Variants in ADCY4 observed in about 807,000 individuals in gnomAD.
ADCY4 encodes the protein adenylate cyclase type 4.
A neutral mutation model predicts 125.5 loss-of-function variants in ADCY4; 111 were observed. The observed-to-expected ratio is 0.88, with a 90% confidence interval of 0.76 to 1.04. The LOEUF is 1.04. ADCY4 is among the 50% of genes least tolerant of loss of function. The pLI, the probability that ADCY4 is intolerant of heterozygous loss-of-function variation, is 0.00. For missense variants in ADCY4, 1,256 were observed against 1,382.9 expected, an observed-to-expected ratio of 0.91 and a Z score of 1.46; for synonymous variants, 576 against 586.9, an observed-to-expected ratio of 0.98 and a Z score of 0.27.
rs184767679 is a variant in ADCY4 at position 24,334,398 on chromosome 14, C to T, written c.159+96G>A. On this transcript the variant is annotated intron_variant, in intron 1 of 24. Coordinates refer to ENST00000418030, the MANE Select transcript of ADCY4 (RefSeq NM_001198568.2). ...CAATGGTCCTTTCTTTCTCTGCTCC[C>T]AGCAACGAAAACACATCGAAAAGAA... is the stretch of plus-strand genomic sequence containing the variant. 2.6e-4 allele frequency: 376 copies of T among 1,450,520 alleles called. 3 individuals are homozygous for T. The East Asian group carries it at 9.4e-3, about 36-fold the overall frequency. 89.9% of individuals were successfully genotyped at this position (1,450,520 alleles called of 1,614,324 possible).
rs1012526564 is a variant in ADCY4 at position 24,318,869 on chromosome 14, G to A, written c.2957-91C>T. On this transcript the variant is annotated intron_variant, in intron 23 of 24. Transcript: ENST00000418030. ...TGGAAGGAAGGGAGAAGAGCCTGGGGGGCCCTAGAGGAGAGGAGGGGTCTC... is the reference window on the plus strand; with the variant it reads ...TGGAAGGAAGGGAGAAGAGCCTGGGAGGCCCTAGAGGAGAGGAGGGGTCTC... 2.6e-6 allele frequency: 4 copies of A among 1,563,712 alleles called. No individual in the cohort carries two copies. In the South Asian group the frequency reaches 3.5e-5, roughly 14 times the overall value.
chr14:24,319,451 G>C lies in ADCY4; in HGVS notation c.2734-15C>G, dbSNP rs755235652. 2 of 1,611,864 alleles carry C rather than the reference G, an allele frequency of 1.2e-6. No homozygotes were observed. Among genetic ancestry groups the C allele is most frequent in the East Asian group, 2.2e-5 (1 of 44,882 alleles). ...TTGGAGAGCAGCTGTATATAGAGAAGAGTCCTGTCCCCAGTCTCTCTTACT... is the reference window on the plus strand; with the variant it reads ...TTGGAGAGCAGCTGTATATAGAGAACAGTCCTGTCCCCAGTCTCTCTTACT... On this transcript the variant is annotated splice_polypyrimidine_tract_variant and intron_variant, in intron 21 of 24. Transcript: ENST00000418030. The surrounding 1 kb of genome is among the most constrained non-coding windows in gnomAD (Gnocchi z 4.5).
chr14:24,320,001 A>C, intron 20 of ADCY4, 113 bp from the exon 21 acceptor site: 1 of 1,321,328 alleles, frequency 7.6e-7, no homozygotes, highest in Non-Finnish European at 1.0e-6. Context: ...CTGTTTAAGA[A>C]GAATTGGGAA....
chr14:24,329,648 C>G (rs182203608), intron 8 of ADCY4, 115 bp from the exon 9 acceptor site: 1 of 1,439,852 alleles, frequency 6.9e-7, no homozygotes, highest in Non-Finnish European at 9.1e-7. Flanking sequence ...TTTTAAAGAT[C>G]GTTCCTGGAT....
rs762938663 is a variant in ADCY4, at chr14:24,331,064, A to G, written c.884T>C (p.Val295Ala). ...LASECSPKEL[V>A]LMLNELFGKF... ...GCCAAAGAGCTCATTGAGCATGAGC[A>G]CCAGCTCCTTAGGGGAACACTCGCT... is the stretch of plus-strand genomic sequence containing the variant. Residue 295 changes from valine to alanine, a missense_variant, in exon 6 of 25, where the codon GTG becomes GCG. Physicochemically the swap from Val to Ala is moderately conservative, Grantham distance 64 (BLOSUM62 0). Coordinates refer to ENST00000418030, the MANE Select transcript of ADCY4 (RefSeq NM_001198568.2). The G allele has an allele frequency of 6.2e-7, 1 of 1,613,308 alleles. No homozygotes were observed. Among genetic ancestry groups the G allele is most frequent in the Non-Finnish European group, 8.5e-7 (1 of 1,179,352 alleles).
chr14:24,330,433 GACTC>G, intron 6 of ADCY4, 138 bp from the exon 7 acceptor site: 1 of 1,196,014 alleles, frequency 8.4e-7, no homozygotes, highest in South Asian at 1.4e-5. Context: ...CAGATCTAGG[GACTC>G]CTTTCACTTG....
At chr14:24,323,576 G>T in intron 16 of ADCY4, 122 bp from the exon 17 acceptor site, 1 of 1,470,758 alleles carries the variant, frequency 6.8e-7, no homozygotes, top group Non-Finnish European at 9.0e-7. Flanking sequence ...GGTGGATCCT[G>T]CTATTTCTGG....
chr14:24,325,329 TG>T (rs752893723), intron 14 of ADCY4, 47 bp downstream of exon 14: 38 of 1,529,242 alleles, frequency 2.5e-5, no homozygotes, highest in Non-Finnish European at 3.3e-5. Flanking sequence ...GAGGGCAAGG[TG>T]ATCCGCTTAT....
rs767166258 is a variant in ADCY4 at position 24,332,824 on chromosome 14, C to T, written c.324G>A (p.Leu108=). Residue 108 remains leucine, a synonymous_variant, in exon 2 of 25, where the codon CTG becomes CTA. Transcript: ENST00000418030. ...AGGCGCTCACCACGCCCCCGGTGAA[C>T]AGGAAGGCGTGGCCTAGCGCTAGCA... ...VALLALGHAF[L]FTGGVVSAWD... 4.5e-5 allele frequency: 71 copies of T among 1,577,804 alleles called. No homozygotes were observed. The East Asian group carries it at 1.6e-3, about 35-fold the overall frequency.
chr14:24,332,522 C>T lies in ADCY4; in HGVS notation c.519G>A (p.Gln173=), dbSNP rs757062840. Residue 173 remains glutamine, a splice_region_variant and synonymous_variant, in exon 3 of 25, where the codon CAG becomes CAA. Coordinates refer to ENST00000418030, the MANE Select transcript of ADCY4 (RefSeq NM_001198568.2). ...QPDSRPALLP[Q]LAANAVLFLC... ...CAGCCTGTGCTACTTGCGTGCTCACCTGCGGCAGCAGTGCAGGCCGTGAGT... is the reference window on the plus strand; with the variant it reads ...CAGCCTGTGCTACTTGCGTGCTCACTTGCGGCAGCAGTGCAGGCCGTGAGT... The T allele has an allele frequency of 6.4e-7, 1 of 1,563,196 alleles. No homozygotes were observed. The highest frequency in any genetic ancestry group is 8.7e-7 in the Non-Finnish European group (1 of 1,153,870).
intron 7 of ADCY4, 52 bp from the exon 8 acceptor site, chr14:24,330,070 T>C: frequency 6.3e-7 from 1 of 1,599,746 alleles, no homozygotes. Context: ...GCCCTGCCTG[T>C]GAGACACCCC....
At chr14:24,326,000 C>T (rs2041936199) in intron 12 of ADCY4, 79 bp downstream of exon 12, 2 of 1,571,888 alleles carry the variant, frequency 1.3e-6, no homozygotes, top group Non-Finnish European at 1.7e-6. Flanking sequence ...TTCCCTCCAG[C>T]CCCTCAGGGA....
intron 8 of ADCY4, 43 bp from the exon 9 acceptor site, chr14:24,329,576 A>C (rs778074199): frequency 6.7e-7 from 1 of 1,502,322 alleles, no homozygotes; most frequent in Non-Finnish European, 8.9e-7. Context: ...GAGGGCCTTC[A>C]AATCTCCTAT....
intron 19 of ADCY4, 105 bp downstream of exon 19, chr14:24,322,519 A>T (rs780609480): frequency 1.3e-4 from 155 of 1,232,126 alleles, no homozygotes; most frequent in Non-Finnish European, 1.6e-4. Context: ...AGGCTCGCTT[A>T]GAAGCTTCCA....
intron 16 of ADCY4, 158 bp from the exon 17 acceptor site, chr14:24,323,612 G>A (rs1358147486): frequency 1.4e-6 from 2 of 1,442,792 alleles, no homozygotes; most frequent in Non-Finnish European, 1.8e-6. Flanking sequence ...CAGCACTGGG[G>A]TCCTCACTCG....
In ADCY4 at chr14:24,326,125, C is replaced by T. The variant is rs781381005; in HGVS notation, c.1609G>A (p.Gly537Arg). 79 of 1,591,084 alleles carry T rather than the reference C, an allele frequency of 5.0e-5. No homozygotes were observed. In the Admixed American group the frequency reaches 6.2e-4, roughly 12 times the overall value. ...ATGACCTGGAAGAACTTGGCATCCC[C>T]GGTGTCCAGTTCATCATCTAGTCCC... Reference protein sequence around the residue: ...PRGLDDELDTGDAKFFQVIEQ... With the variant: ...PRGLDDELDTRDAKFFQVIEQ... The change falls in exon 12 of 25, where the codon GGG becomes AGG. Residue 537 changes from glycine (G) to arginine (R), a missense_variant. By Grantham distance (125) the Gly-to-Arg change is moderately radical. Transcript: ENST00000418030.
At chr14:24,328,857 G>C (rs1195905643) in intron 10 of ADCY4, 1 of 640,432 alleles carries the variant, frequency 1.6e-6, no homozygotes, top group East Asian at 2.8e-5. Flanking sequence ...TCTGAGGTGA[G>C]CTGGAGGGCT....
rs1390129311 is a variant in ADCY4 at position 24,325,814 on chromosome 14, C to T, written c.1725+4G>A. 1.3e-6 allele frequency: 2 copies of T among 1,593,046 alleles called. No homozygotes were observed. The highest frequency in any genetic ancestry group is 2.3e-5 in the South Asian group (2 of 88,098). ...TGTTTGGTGCCACCCACACCACAGCCCACCTCTTTCTCCATCTCCTTCTCT... is the reference window on the plus strand; with the variant it reads ...TGTTTGGTGCCACCCACACCACAGCTCACCTCTTTCTCCATCTCCTTCTCT... On this transcript the variant is annotated splice_donor_region_variant and intron_variant, in intron 13 of 24. Transcript: ENST00000418030.
At position 24,327,608 on chromosome 14, in the gene ADCY4, C is replaced by T. The variant is rs1014493438; in HGVS notation, c.1525-1266G>A. Among the ~76,000 whole-genome samples the T allele has an allele frequency of 1.2e-4, 19 of 152,228 alleles. 1 individual carries two copies. Among genetic ancestry groups the T allele is most frequent in the Admixed American group, 1.2e-3 (18 of 15,280 alleles). On this transcript the variant is annotated intron_variant, in intron 10 of 24. Coordinates refer to ENST00000418030, the MANE Select transcript of ADCY4 (RefSeq NM_001198568.2). ...CACTGCTGCCAGTGTCCTTCCCCCA[C>T]TCCCCAGTGTTGGGGGGTTGAAGAA... is the stretch of plus-strand genomic sequence containing the variant.
Sources: gnomAD v4.1 joint callset for allele counts (sites outside exome capture counted in the v4.1 genomes callset) on GRCh38, gnomAD v4.1.1 for gene constraint, Gnocchi (gnomAD v3.1) non-coding constraint, MANE v1.5 for transcripts, NCBI Gene and HGNC (gene_info 2026-07-23, HGNC 2026-07-21) for gene names.